Variants in TDRD10 observed in about 807,000 individuals in gnomAD.
TDRD10 encodes tudor domain containing 10.
In TDRD10, 40 loss-of-function variants were observed where a neutral mutation model predicts 48.0. The ratio of observed to expected loss-of-function variants is 0.83; its 90% CI spans 0.65 to 1.09. The LOEUF (loss-of-function observed/expected upper bound fraction) is 1.09. Among genes scored for constraint, TDRD10 ranks in the 50% least tolerant of loss-of-function variants. The pLI is 0.00. For missense variants in TDRD10, 378 were observed against 434.7 expected, an observed-to-expected ratio of 0.87 and a Z score of 1.16; for synonymous variants, 162 against 170.4, an observed-to-expected ratio of 0.95 and a Z score of 0.38.
At chr1:154,513,960 C>T (rs946259004) in intron 4 of TDRD10, among the ~76,000 whole-genome samples, 8 of 152,256 alleles carry the variant, frequency 5.3e-5, no homozygotes, top group Non-Finnish European at 5.9e-5. Context: ...GAGGCCAAGG[C>T]GTGTGGATCA....
rs1695701604 is a variant in TDRD10 at position 154,548,020 on chromosome 1, CATG to C, written c.*313_*315del. On this transcript the variant is annotated 3_prime_UTR_variant, in exon 13 of 13. Coordinates refer to ENST00000368482, the MANE Select transcript of TDRD10 (RefSeq NM_182499.4). Reference sequence around the variant, plus strand: ...TGTGTCTCTTCTTTGCACCCCAGAGCATGATATAAGTGGTCCTAACAGATTCTG... The same window carrying C: ...TGTGTCTCTTCTTTGCACCCCAGAGCATATAAGTGGTCCTAACAGATTCTG... The C allele has an allele frequency of 2.1e-6, 1 of 478,086 alleles. No individual in the cohort carries two copies. The highest frequency in any genetic ancestry group is 3.7e-6 in the Non-Finnish European group (1 of 267,742). 29.6% of individuals were successfully genotyped at this position (478,086 alleles called of 1,614,324 possible). A position where few individuals can be genotyped will look rare whatever the true frequency, so the allele number is the denominator to read the frequency against.
intron 11 of TDRD10, 38 bp from the exon 12 acceptor site, chr1:154,547,368 CCCG>C (rs1284252669): frequency 1.2e-6 from 2 of 1,612,428 alleles, no homozygotes; most frequent in Non-Finnish European, 1.7e-6. Context: ...CCTGCCCAAC[CCCG>C]TGCCACTGAG....
At chr1:154,523,916 G>T (rs1694180745) in intron 6 of TDRD10, among the ~76,000 whole-genome samples, 1 of 152,074 alleles carries the variant, frequency 6.6e-6, no homozygotes, top group Admixed American at 6.5e-5. Context: ...TGTCCAATCT[G>T]CTCTTAAGCC....
chr1:154,504,969 AGAGT>A (rs1394103746), intron 1 of TDRD10, among the ~76,000 whole-genome samples: 1 of 152,222 alleles, frequency 6.6e-6, no homozygotes, highest in African/African-American at 2.4e-5. Flanking sequence ...CCTGGGCGAC[AGAGT>A]GAGACCCTGT....
chr1:154,528,106 C>T (rs1051551723), intron 6 of TDRD10, among the ~76,000 whole-genome samples: 1 of 151,734 alleles, frequency 6.6e-6, no homozygotes, highest in African/African-American at 2.4e-5. Flanking sequence ...AATTCCATTT[C>T]TTGGCTGAGT....
chr1:154,544,395 T>C lies in TDRD10; in HGVS notation c.675T>C (p.Ala225=). The C allele has an allele frequency of 1.9e-6, 3 of 1,592,936 alleles. No homozygotes were observed. The highest frequency in any genetic ancestry group is 2.6e-6 in the Non-Finnish European group (3 of 1,170,202). ...AGGCTCTGCACCAGAACATGCAGGC[T>C]CTGTTTAGCACCCTGGCTCAGGCGG... ...VTEALHQNMQ[A]LFSTLAQAEE... The change falls in exon 10 of 13, where the codon GCT becomes GCC. Residue 225 remains alanine (A), a synonymous_variant. Coordinates refer to ENST00000368482, the MANE Select transcript of TDRD10 (RefSeq NM_182499.4).
intron 4 of TDRD10, among the ~76,000 whole-genome samples, chr1:154,518,029 C>T (rs1414513084): frequency 6.6e-6 from 1 of 152,218 alleles, no homozygotes; most frequent in African/African-American, 2.4e-5. Flanking sequence ...TTACTTAGCA[C>T]ATAGGTGAGT....
chr1:154,533,902 T>TTAA lies in TDRD10; in HGVS notation c.370-8122_370-8121insTAA, dbSNP rs1553198573. On this transcript the variant is annotated intron_variant, in intron 6 of 12. Coordinates refer to ENST00000368482, the MANE Select transcript of TDRD10 (RefSeq NM_182499.4). ...ATATATATATATATATATTTTTTTT[T>TTAA]AATTTTCTATTGTTTGTAGAGATGG... is the stretch of plus-strand genomic sequence containing the variant. Among the ~76,000 whole-genome samples, 873 of 146,150 alleles carry TTAA rather than the reference T, an allele frequency of 6.0e-3. 6 individuals carry two copies. The highest frequency in any genetic ancestry group is 0.021 in the African/African-American group (844 of 40,046).
intron 9 of TDRD10, 37 bp downstream of exon 9, chr1:154,544,147 C>T (rs767248734): frequency 1.2e-5 from 19 of 1,613,596 alleles, no homozygotes; most frequent in Non-Finnish European, 1.5e-5. Flanking sequence ...GGCTCCTGTG[C>T]CTTCCTGCGT....
intron 11 of TDRD10, among the ~76,000 whole-genome samples, chr1:154,545,581 C>G (rs12044607): frequency 1.3e-5 from 2 of 150,860 alleles, no homozygotes; most frequent in Non-Finnish European, 3.0e-5. Flanking sequence ...TAAAAAATTT[C>G]TTTTTTTTTC....
intron 1 of TDRD10, among the ~76,000 whole-genome samples, chr1:154,503,963 C>T (rs1570880266): frequency 6.6e-6 from 1 of 152,166 alleles, no homozygotes; most frequent in South Asian, 2.1e-4. Flanking sequence ...GTACAACCAT[C>T]GCAACAATCT....
intron 4 of TDRD10, among the ~76,000 whole-genome samples, chr1:154,516,784 G>A (rs1693794242): frequency 1.3e-5 from 2 of 152,040 alleles, no homozygotes; most frequent in Non-Finnish European, 1.5e-5. Flanking sequence ...CCATCTCTAC[G>A]AAGAATACAG....
At chr1:154,519,128 A>G (rs1356163729) in intron 4 of TDRD10, among the ~76,000 whole-genome samples, 1 of 152,206 alleles carries the variant, frequency 6.6e-6, no homozygotes, top group Admixed American at 6.5e-5. Context: ...TGAAAACCAA[A>G]TGGAATAAAG....
chr1:154,521,797 A>G (rs1179334256), intron 6 of TDRD10, among the ~76,000 whole-genome samples: 2 of 152,222 alleles, frequency 1.3e-5, no homozygotes, highest in East Asian at 3.8e-4. Context: ...GCAGACATTG[A>G]GTGTCTACTG....
At chr1:154,512,569 C>G (rs1253848942) in intron 4 of TDRD10, among the ~76,000 whole-genome samples, 1 of 152,086 alleles carries the variant, frequency 6.6e-6, no homozygotes, top group East Asian at 1.9e-4. Context: ...GTCTTGAACC[C>G]CTGACCTCAG....
rs1419667096 is a variant in TDRD10 at position 154,545,002 on chromosome 1, G to A, written c.952+53G>A. 6.3e-6 allele frequency: 10 copies of A among 1,594,086 alleles called. No homozygotes were observed. In the East Asian group the frequency reaches 2.2e-4, roughly 36 times the overall value. Reference sequence around the variant, plus strand: ...GGGTTTCAGGGACAGGAGAAGCCATGGTTGCTTCTGGGACCTGAACAGGAA... The same window carrying A: ...GGGTTTCAGGGACAGGAGAAGCCATAGTTGCTTCTGGGACCTGAACAGGAA... On this transcript the variant is annotated intron_variant, in intron 11 of 12. Coordinates refer to ENST00000368482, the MANE Select transcript of TDRD10 (RefSeq NM_182499.4).
chr1:154,522,887 TAA>T (rs1694128238), intron 6 of TDRD10, among the ~76,000 whole-genome samples: 1 of 152,192 alleles, frequency 6.6e-6, no homozygotes, highest in Non-Finnish European at 1.5e-5. Flanking sequence ...ATGATTCGAC[TAA>T]GAGTCCAGTC....
chr1:154,519,006 C>G (rs1009163427), intron 4 of TDRD10, among the ~76,000 whole-genome samples: 2 of 152,100 alleles, frequency 1.3e-5, no homozygotes, highest in African/African-American at 4.8e-5. Context: ...AGTTCAAGTC[C>G]TAATTCTAAA....
chr1:154,529,706 G>A (rs974742499), intron 6 of TDRD10, among the ~76,000 whole-genome samples: 4 of 151,202 alleles, frequency 2.6e-5, no homozygotes, highest in Admixed American at 6.6e-5. Flanking sequence ...CCACCACACC[G>A]GCTAATTTTT....
Sources: gnomAD v4.1 joint callset for allele counts (sites outside exome capture counted in the v4.1 genomes callset) on GRCh38, gnomAD v4.1.1 for gene constraint, MANE v1.5 for transcripts, NCBI Gene and HGNC (gene_info 2026-07-23, HGNC 2026-07-21) for gene names.